The following MTMR2 variants were observed in gnomAD, a reference collection of about 807,000 sequenced individuals.
MTMR2 encodes the protein phosphatidylinositol-3,5-bisphosphate 3-phosphatase MTMR2.
MTMR2 carries 55 observed loss-of-function variants against 86.9 expected under a neutral mutation model. The ratio of observed to expected loss-of-function variants is 0.63; its 90% CI spans 0.51 to 0.79. The LOEUF is 0.79. MTMR2 is among the 30% of genes least tolerant of loss of function. The pLI is 0.00. For missense variants in MTMR2, 659 were observed against 772.3 expected (o/e 0.85, Z 1.74); for synonymous variants, 241 against 266.8 (o/e 0.90, Z 0.94).
intron 2 of MTMR2, among the ~76,000 whole-genome samples, chr11:95,872,004 T>G (rs1864908581): frequency 1.3e-5 from 2 of 152,238 alleles, no homozygotes; most frequent in South Asian, 4.1e-4. Context: ...CCTTTCCCCA[T>G]TTCTTGTTTT....
At chr11:95,891,575 T>C (rs2135557249) in intron 1 of MTMR2, among the ~76,000 whole-genome samples, 1 of 152,310 alleles carries the variant, frequency 6.6e-6, no homozygotes, top group South Asian at 2.1e-4. Flanking sequence ...CAGTCTCAGA[T>C]TCAAAGAATC....
chr11:95,897,024 T>A (rs746439800), intron 1 of MTMR2, among the ~76,000 whole-genome samples: 1 of 150,934 alleles, frequency 6.6e-6, no homozygotes, highest in Non-Finnish European at 1.5e-5. Context: ...AACAGCAGTA[T>A]CCTTGGCCAA....
intron 1 of MTMR2, among the ~76,000 whole-genome samples, chr11:95,922,470 T>C (rs970037928): frequency 1.6e-4 from 24 of 152,036 alleles, no homozygotes; most frequent in African/African-American, 5.8e-4. Flanking sequence ...AAATACAGAA[T>C]TCAAAAAATA....
intron 1 of MTMR2, among the ~76,000 whole-genome samples, chr11:95,913,659 T>C (rs1447819994): frequency 2.6e-5 from 4 of 152,154 alleles, no homozygotes; most frequent in Non-Finnish European, 5.9e-5. Flanking sequence ...ATAATTCATT[T>C]CAGCACCAAG....
At chr11:95,912,087 G>GT (rs67486618) in intron 1 of MTMR2, among the ~76,000 whole-genome samples, 19,985 of 141,544 alleles carry the variant, frequency 0.14, 1,917 homozygotes, top group African/African-American at 0.27. Flanking sequence ...ACACAGGTGG[G>GT]TTTTTTTTTT....
chr11:95,854,959 G>A (rs1006148574), intron 7 of MTMR2, among the ~76,000 whole-genome samples: 1 of 150,540 alleles, frequency 6.6e-6, no homozygotes, highest in Admixed American at 6.6e-5. Context: ...ACAAGCATGT[G>A]TCACCACACC....
chr11:95,896,929 A>G (rs1394839296), intron 1 of MTMR2, among the ~76,000 whole-genome samples: 3 of 151,382 alleles, frequency 2.0e-5, no homozygotes, highest in African/African-American at 7.3e-5. Context: ...AACTAGTGGG[A>G]ACTGGTTTTT....
At position 95,833,401 on chromosome 11, in the gene MTMR2, TG is replaced by T. The variant is rs775823662; in HGVS notation, c.*1888del. ...TGTCAATTCAAATATTTAAAAGTTT[TG>T]CTTGTGTAAATATATAAAAAGGGCT... is the stretch of plus-strand genomic sequence containing the variant. On this transcript the variant is annotated 3_prime_UTR_variant, in exon 15 of 15. Coordinates refer to ENST00000346299, the MANE Select transcript of MTMR2 (RefSeq NM_016156.6). The T allele has an allele frequency of 1.6e-4, 24 of 152,118 alleles. No individual in the cohort carries two copies. The highest frequency in any genetic ancestry group is 2.5e-4 in the Non-Finnish European group (17 of 68,004). The allele number at this position is 152,118 out of a possible 1,614,324, so 9.4% of individuals were successfully genotyped here. A position where few individuals can be genotyped will look rare whatever the true frequency, so the allele number is the denominator to read the frequency against.
At chr11:95,841,346 G>A (rs1863538552) in intron 12 of MTMR2, among the ~76,000 whole-genome samples, 1 of 151,964 alleles carries the variant, frequency 6.6e-6, no homozygotes, top group South Asian at 2.1e-4. Context: ...TTTTAGGTGA[G>A]CCTATTTAAC....
intron 2 of MTMR2, among the ~76,000 whole-genome samples, chr11:95,878,749 T>C (rs919410900): frequency 6.6e-6 from 1 of 152,172 alleles, no homozygotes; most frequent in African/African-American, 2.4e-5. Context: ...TGATGTGTCC[T>C]TCTGAGCTAT....
chr11:95,876,827 C>T (rs1865130671), intron 2 of MTMR2, among the ~76,000 whole-genome samples: 2 of 152,086 alleles, frequency 1.3e-5, no homozygotes, highest in South Asian at 4.1e-4. Flanking sequence ...TTCTCTCCCT[C>T]TCTCTTTCTC....
intron 14 of MTMR2, 114 bp downstream of exon 14, chr11:95,836,034 A>G (rs113650525): frequency 9.6e-6 from 10 of 1,040,438 alleles, no homozygotes; most frequent in Admixed American, 3.4e-5. Flanking sequence ...TTAACTATCA[A>G]TGGGTAAGGA....
chr11:95,871,981 T>C (rs1188886205), intron 2 of MTMR2, among the ~76,000 whole-genome samples: 8 of 152,244 alleles, frequency 5.3e-5, no homozygotes, highest in Non-Finnish European at 7.3e-5. Flanking sequence ...GCACTGTTTA[T>C]TAAATAGGGA....
intron 2 of MTMR2, among the ~76,000 whole-genome samples, chr11:95,872,787 C>A (rs1408124320): frequency 1.3e-5 from 2 of 152,166 alleles, no homozygotes; most frequent in East Asian, 1.9e-4. Context: ...AGATACGTCC[C>A]ATCAATACCT....
At chr11:95,898,991 G>C (rs1865976509) in intron 1 of MTMR2, among the ~76,000 whole-genome samples, 1 of 152,166 alleles carries the variant, frequency 6.6e-6, no homozygotes, top group Non-Finnish European at 1.5e-5. Flanking sequence ...GCCTGAAAAG[G>C]CAGGTTTGGA....
In MTMR2 at chr11:95,861,214, A is replaced by G. The variant is rs1407871611; in HGVS notation, c.468+778T>C. 2.6e-5 allele frequency among the ~76,000 whole-genome samples: 4 copies of G among 151,308 alleles called. No homozygotes were observed. In the East Asian group the frequency reaches 7.7e-4, roughly 29 times the overall value. On this transcript the variant is annotated intron_variant, in intron 5 of 14. Coordinates refer to ENST00000346299, the MANE Select transcript of MTMR2 (RefSeq NM_016156.6). Reference sequence around the variant, plus strand: ...GAAAAGATAGGTGATGATGAATATAACATATTTAGTTATTTAGTTCTTCCA... The same window carrying G: ...GAAAAGATAGGTGATGATGAATATAGCATATTTAGTTATTTAGTTCTTCCA...
At chr11:95,838,267 G>C (rs1457844484) in intron 12 of MTMR2, 60 bp from the exon 13 acceptor site, 2 of 892,314 alleles carry the variant, frequency 2.2e-6, no homozygotes, top group Non-Finnish European at 3.8e-6. Flanking sequence ...ATTCATCCCT[G>C]TCATGGGTAG....
intron 11 of MTMR2, among the ~76,000 whole-genome samples, chr11:95,843,894 A>AG (rs1405124656): frequency 6.6e-6 from 1 of 152,054 alleles, no homozygotes; most frequent in African/African-American, 2.4e-5. Flanking sequence ...AAGTTTGGGG[A>AG]GTTAGGAAAA....
rs1247722040 is a variant in MTMR2, at chr11:95,835,405, T to G, written c.1817A>C (p.Glu606Ala). ...RYKELLAKRA[E>A]LQKKVEELQR... ...TAGTTCCTCTACTTTTTTCTGAAGCTCTGCTCGTTTAGCAAGAAGTTCTTT... is the reference window on the plus strand; with the variant it reads ...TAGTTCCTCTACTTTTTTCTGAAGCGCTGCTCGTTTAGCAAGAAGTTCTTT... The change falls in exon 15 of 15, where the codon GAG becomes GCG. Residue 606 changes from glutamate (E) to alanine (A), a missense_variant. This residue lies in a region of MTMR2 where 193 missense variants were observed against 191.6 expected (regional missense o/e 1.01). Transcript: ENST00000346299. 1 of 1,613,216 alleles carries G rather than the reference T, an allele frequency of 6.2e-7. No homozygotes were observed. Among genetic ancestry groups the G allele is most frequent in the Admixed American group, 1.7e-5 (1 of 59,908 alleles).
Sources: allele counts gnomAD v4.1 joint callset (sites outside exome capture counted in the v4.1 genomes callset), GRCh38; gene constraint gnomAD v4.1.1; regional missense constraint gnomAD v4.1.1; transcripts MANE v1.5; gene names NCBI Gene and HGNC (gene_info 2026-07-23, HGNC 2026-07-21).